Variants in WASF3 observed in about 807,000 individuals in gnomAD.
WASF3 encodes WASP family member 3.
WASF3 carries 11 observed loss-of-function variants against 46.6 expected under a neutral mutation model. The ratio of observed to expected loss-of-function variants is 0.24; its 90% confidence interval spans 0.15 to 0.39. The LOEUF is 0.39. Ranked by LOEUF, WASF3 falls within the 10% of genes least tolerant of loss-of-function variation. WASF3 has a pLI of 1.00. For synonymous variants in WASF3, 242 were observed against 259.7 expected (o/e 0.93, Z 0.65); for missense variants, 576 against 669.8 (o/e 0.86, Z 1.55).
chr13:26,566,530 A>G (rs919567204), intron 1 of WASF3, among the ~76,000 whole-genome samples: 4 of 152,256 alleles, frequency 2.6e-5, no homozygotes, highest in African/African-American at 9.6e-5. Flanking sequence ...CAGAGCAAGA[A>G]GCATCTGTTT....
chr13:26,543,279 T>C, the WASF3 span, among the ~76,000 whole-genome samples: 1 of 152,158 alleles, frequency 6.6e-6, no homozygotes, highest in African/African-American at 2.4e-5. Flanking sequence ...GAGTTAAGCA[T>C]AGATGGATGG....
chr13:26,617,431 A>T (rs1881168808), intron 2 of WASF3, among the ~76,000 whole-genome samples: 1 of 151,890 alleles, frequency 6.6e-6, no homozygotes, highest in Admixed American at 6.6e-5. Flanking sequence ...TAGTTATTTC[A>T]TTTTAGATGT....
chr13:26,662,377 C>T (rs1040548382), intron 3 of WASF3, among the ~76,000 whole-genome samples: 4 of 152,124 alleles, frequency 2.6e-5, no homozygotes, highest in African/African-American at 9.7e-5. Context: ...GTGCTGTTTG[C>T]AGTAAGAAAG....
intron 1 of WASF3, among the ~76,000 whole-genome samples, chr13:26,587,637 T>A (rs184009650): frequency 0.011 from 1,673 of 152,320 alleles, 45 homozygotes; most frequent in Non-Finnish European, 0.01. Context: ...TTCTTTGCTT[T>A]TTGAGTGTTG....
the WASF3 span, among the ~76,000 whole-genome samples, chr13:26,546,859 C>A: frequency 6.6e-6 from 1 of 152,206 alleles, no homozygotes; most frequent in Non-Finnish European, 1.5e-5. Flanking sequence ...GCCCACATTG[C>A]AAAGAGGTGA....
chr13:26,643,385 T>A (rs1180089763), intron 3 of WASF3, among the ~76,000 whole-genome samples: 2 of 152,178 alleles, frequency 1.3e-5, no homozygotes, highest in Non-Finnish European at 2.9e-5. Context: ...GAAGAAACGC[T>A]GCAGGTAAGT....
intron 1 of WASF3, among the ~76,000 whole-genome samples, chr13:26,567,825 GTATA>G: frequency 6.6e-6 from 1 of 151,764 alleles, no homozygotes; most frequent in Admixed American, 6.6e-5. Context: ...ACGTGTGTGT[GTATA>G]TATATATAAA....
chr13:26,679,604 A>G lies in WASF3; in HGVS notation c.717-1450A>G, dbSNP rs1047348889. On this transcript the variant is annotated intron_variant, in intron 7 of 9. Transcript: ENST00000335327. The surrounding 1 kb of genome is among the most constrained non-coding windows in gnomAD (Gnocchi z 4.8). ...AACTCTGTTTCCTTTAAAAGGTTGCACTGTAAGCCAGTGACTCGTAGTCAT... is the reference window on the plus strand; with the variant it reads ...AACTCTGTTTCCTTTAAAAGGTTGCGCTGTAAGCCAGTGACTCGTAGTCAT... 3.3e-5 allele frequency among the ~76,000 whole-genome samples: 5 copies of G among 152,188 alleles called. No homozygotes were observed. In the East Asian group the frequency reaches 5.8e-4, roughly 18 times the overall value.
At position 26,688,076 on chromosome 13, in the gene WASF3, G is replaced by A. The variant is rs534925509; in HGVS notation, c.*2231G>A. The A allele has an allele frequency of 3.9e-5, 6 of 152,072 alleles. No individual in the cohort carries two copies. The highest frequency in any genetic ancestry group is 1.4e-4 in the African/African-American group (6 of 41,426). 9.4% of individuals were successfully genotyped at this position (152,072 alleles called of 1,614,324 possible). ...TTTTCAACTCAATTTTATGACTTGC[G>A]AAAAAGCTTTTGCCCTGTTGTGTAC... On this transcript the variant is annotated 3_prime_UTR_variant, in exon 10 of 10. Transcript: ENST00000335327.
intron 1 of WASF3, among the ~76,000 whole-genome samples, chr13:26,581,441 A>G (rs1055521140): frequency 2.1e-4 from 31 of 145,590 alleles, no homozygotes; most frequent in African/African-American, 4.8e-4. Context: ...AGGCCAGCCA[A>G]TTTTTTTTTT....
intron 1 of WASF3, among the ~76,000 whole-genome samples, chr13:26,576,322 A>G (rs1342705552): frequency 6.6e-6 from 1 of 150,924 alleles, no homozygotes; most frequent in African/African-American, 2.4e-5. Context: ...CTCCTGTTTC[A>G]TTACTTTCTT....
intron 1 of WASF3, among the ~76,000 whole-genome samples, chr13:26,593,994 T>C (rs1161691517): frequency 1.3e-5 from 2 of 152,224 alleles, no homozygotes; most frequent in Non-Finnish European, 2.9e-5. Flanking sequence ...CACATTTGTG[T>C]TCATTCCTTT....
intron 1 of WASF3, chr13:26,577,333 A>C: frequency 1.3e-6 from 1 of 759,344 alleles, no homozygotes; most frequent in Non-Finnish European, 2.4e-6. Context: ...ACAATCCGAT[A>C]TGGAAAACCT....
At chr13:26,565,477 A>G (rs967246198) in intron 1 of WASF3, among the ~76,000 whole-genome samples, 4 of 152,236 alleles carry the variant, frequency 2.6e-5, no homozygotes, top group Admixed American at 1.3e-4. Context: ...TCTGTTTTCA[A>G]TATAAATGTA....
At chr13:26,548,382 T>C in the WASF3 span, among the ~76,000 whole-genome samples, 1 of 152,218 alleles carries the variant, frequency 6.6e-6, no homozygotes, top group Non-Finnish European at 1.5e-5. Context: ...CCCTGAGACA[T>C]GTCCCACACT....
chr13:26,587,162 C>G (rs918033833), intron 1 of WASF3, among the ~76,000 whole-genome samples: 30 of 146,838 alleles, frequency 2.0e-4, no homozygotes, highest in African/African-American at 6.7e-4. Context: ...AAAAAGAATC[C>G]TCATTTTTTT....
chr13:26,559,076 G>A (rs1879197825), intron 1 of WASF3, among the ~76,000 whole-genome samples: 1 of 152,190 alleles, frequency 6.6e-6, no homozygotes, highest in African/African-American at 2.4e-5. Context: ...TTTAAAGCTA[G>A]TTCTTTTATC....
intron 1 of WASF3, among the ~76,000 whole-genome samples, chr13:26,601,995 C>T (rs773719487): frequency 1.3e-5 from 2 of 152,170 alleles, no homozygotes; most frequent in East Asian, 1.9e-4. Flanking sequence ...TAATAACTGC[C>T]GGTTATTAAA....
chr13:26,551,856 C>T, the WASF3 span, among the ~76,000 whole-genome samples: 1 of 151,894 alleles, frequency 6.6e-6, no homozygotes, highest in Non-Finnish European at 1.5e-5. Context: ...GGTTTTTGAG[C>T]AGCATAGAGA....
Sources: gnomAD v4.1 joint callset for allele counts (sites outside exome capture counted in the v4.1 genomes callset) on GRCh38, gnomAD v4.1.1 for gene constraint, Gnocchi (gnomAD v3.1) non-coding constraint, MANE v1.5 for transcripts, NCBI Gene and HGNC (gene_info 2026-07-23, HGNC 2026-07-21) for gene names.